Variants in IL7 observed in about 807,000 individuals in gnomAD.
The protein encoded by IL7 is interleukin-7.
IL7 carries 3 observed loss-of-function variants against 21.6 expected under a neutral mutation model. That is an observed-to-expected ratio of 0.14 (90% CI 0.06 to 0.36). IL7 has a LOEUF of 0.36. Ranked by LOEUF, IL7 falls within the 10% of genes least tolerant of loss-of-function variation. The pLI, the probability that IL7 is intolerant of heterozygous loss-of-function variation, is 1.00. For synonymous variants in IL7, 62 were observed against 68.1 expected (o/e 0.91, Z 0.44); for missense variants, 175 against 200.2 (o/e 0.87, Z 0.76).
At chr8:78,801,243 C>A (rs916546292) in intron 1 of IL7, among the ~76,000 whole-genome samples, 55 of 152,154 alleles carry the variant, frequency 3.6e-4, no homozygotes, top group African/African-American at 7.0e-4. Context: ...TGGCTTCCTG[C>A]AGTTTGTTTC....
intron 2 of IL7, among the ~76,000 whole-genome samples, chr8:78,771,304 G>T (rs1192717375): frequency 1.3e-5 from 2 of 152,004 alleles, no homozygotes; most frequent in African/African-American, 4.8e-5. Flanking sequence ...CTAAGACTTA[G>T]ATACTAAGTA....
Position 78,804,931 on chromosome 8 carries a change from G to A in IL7, c.-9C>T, listed in dbSNP as rs542474928. 1 of 1,612,016 alleles carries A rather than the reference G, an allele frequency of 6.2e-7. No individual in the cohort carries two copies. Among genetic ancestry groups the A allele is most frequent in the Non-Finnish European group, 8.5e-7 (1 of 1,178,710 alleles). ...CGCTTACCATGGAACATGGTCTGCG[G>A]GAGGCGGGCGTAGTCATGATGACCG... On this transcript the variant is annotated 5_prime_UTR_variant, in exon 1 of 6. Transcript: ENST00000263851.
chr8:78,711,863 C>A, intron 3 of IL7: 1 of 452,090 alleles, frequency 2.2e-6, no homozygotes, highest in Non-Finnish European at 3.9e-6. Flanking sequence ...CTTACCTTGA[C>A]AGTCAGATAA....
At chr8:78,734,174 G>A (rs1177267570) in intron 5 of IL7, among the ~76,000 whole-genome samples, 1 of 152,130 alleles carries the variant, frequency 6.6e-6, no homozygotes, top group Non-Finnish European at 1.5e-5. Context: ...GTAGAAAAAT[G>A]TATTTTTAGT....
In IL7 at chr8:78,805,026, C is replaced by G; in HGVS notation, c.-104G>C. The G allele has an allele frequency of 7.6e-7, 1 of 1,316,536 alleles. No homozygotes were observed. The highest frequency in any genetic ancestry group is 1.1e-6 in the Non-Finnish European group (1 of 946,816). 81.6% of individuals were successfully genotyped at this position (1,316,536 alleles called of 1,614,324 possible). On this transcript the variant is annotated 5_prime_UTR_variant, in exon 1 of 6. Coordinates refer to ENST00000263851, the MANE Select transcript of IL7 (RefSeq NM_000880.4). ...GGACCCTGGTCTTCCGCGGAGTTGC[C>G]GAGTCTGTGTTGGGCAGGGTGATCT...
chr8:78,684,427 C>T (rs112156173), intron 4 of IL7, among the ~76,000 whole-genome samples: 19 of 152,262 alleles, frequency 1.2e-4, no homozygotes, highest in Admixed American at 3.9e-4. Flanking sequence ...GTCATGAGGA[C>T]GGCATGGGAG....
At chr8:78,696,871 C>A (rs1563632030) in intron 3 of IL7, among the ~76,000 whole-genome samples, 1 of 152,120 alleles carries the variant, frequency 6.6e-6, no homozygotes, top group Non-Finnish European at 1.5e-5. Context: ...AAATCTTGAC[C>A]TTTAAAGCTG....
intron 3 of IL7, among the ~76,000 whole-genome samples, chr8:78,723,479 C>T (rs187589421): frequency 2.7e-4 from 41 of 151,926 alleles, no homozygotes; most frequent in African/African-American, 7.3e-4. Context: ...AAATAAATAA[C>T]GATCTACCTA....
rs184885100 is a variant in IL7, at chr8:78,785,165, A to G, written c.147+12907T>C. ...CACTTTTCCAAGATATAACTTAGTA[A>G]CAATCATGTTGAATCAATTTTTATA... On this transcript the variant is annotated intron_variant, in intron 2 of 5. Transcript: ENST00000263851. Among the ~76,000 whole-genome samples the G allele has an allele frequency of 7.8e-4, 118 of 152,222 alleles. 1 individual carries two copies. Among genetic ancestry groups the G allele is most frequent in the East Asian group, 9.7e-4 (5 of 5,166 alleles).
intron 3 of IL7, among the ~76,000 whole-genome samples, chr8:78,703,452 G>A (rs1448789352): frequency 1.3e-5 from 2 of 151,870 alleles, no homozygotes; most frequent in Admixed American, 6.6e-5. Flanking sequence ...ATGAATCTGA[G>A]TGCTCCTGTG....
At chr8:78,793,778 A>G (rs759247978) in intron 2 of IL7, among the ~76,000 whole-genome samples, 10 of 152,188 alleles carry the variant, frequency 6.6e-5, no homozygotes, top group Non-Finnish European at 1.2e-4. Flanking sequence ...TATCCACAGT[A>G]GAACTTCTTT....
rs751462790 is a variant in IL7 at position 78,798,088 on chromosome 8, C to T, written c.131G>A (p.Ser44Asn). 35 of 1,609,140 alleles carry T rather than the reference C, an allele frequency of 2.2e-5. No homozygotes were observed. Among genetic ancestry groups the T allele is most frequent in the Non-Finnish European group, 3.0e-5 (35 of 1,177,150 alleles). Residue 44 changes from serine (S) to asparagine (N), a missense_variant, in exon 2 of 6, where the codon AGC (serine) becomes AAC (asparagine). Physicochemically the swap from Ser to Asn is conservative, Grantham distance 46 (BLOSUM62 1). Transcript: ENST00000263851. ...ATCACATACCAATAATTGATCGATG[C>T]TGACCATTAGAACACTCTCATATTG... is the stretch of plus-strand genomic sequence containing the variant. ...GKQYESVLMV[S>N]IDQLLDSMKE...
chr8:78,714,907 G>T (rs1469577015), downstream of IL7, among the ~76,000 whole-genome samples: 2 of 151,782 alleles, frequency 1.3e-5, no homozygotes, highest in Non-Finnish European at 2.9e-5. Flanking sequence ...ATGTTTTGAG[G>T]GAAATATAAA....
chr8:78,746,857 G>A (rs924333336), intron 2 of IL7: 6 of 350,078 alleles, frequency 1.7e-5, no homozygotes, highest in African/African-American at 8.6e-5. Context: ...GTGGAAAAGG[G>A]CAAAGGTAAT....
At chr8:78,749,332 T>A (rs1029086652) in intron 2 of IL7, among the ~76,000 whole-genome samples, 15 of 152,074 alleles carry the variant, frequency 9.9e-5, no homozygotes, top group Non-Finnish European at 1.5e-4. Context: ...GAACTTCTAC[T>A]TTTCCATTTG....
downstream of IL7, among the ~76,000 whole-genome samples, chr8:78,730,442 C>T (rs1811404500): frequency 6.6e-6 from 1 of 151,806 alleles, no homozygotes. Context: ...AGAATCAAAG[C>T]CAAAAGATGT....
intron 4 of IL7, among the ~76,000 whole-genome samples, chr8:78,680,095 T>G (rs1412464483): frequency 6.6e-6 from 1 of 152,022 alleles, no homozygotes; most frequent in African/African-American, 2.4e-5. Context: ...TGTAACATGG[T>G]GATAGTAGTA....
At chr8:78,684,032 A>T (rs1312463823) in intron 4 of IL7, among the ~76,000 whole-genome samples, 3 of 152,184 alleles carry the variant, frequency 2.0e-5, no homozygotes, top group Non-Finnish European at 4.4e-5. Flanking sequence ...GGTCAAAACC[A>T]TTCAACAAGT....
At chr8:78,772,740 GAATT>G (rs2130790821) in intron 2 of IL7, among the ~76,000 whole-genome samples, 1 of 152,208 alleles carries the variant, frequency 6.6e-6, no homozygotes, top group Non-Finnish European at 1.5e-5. Flanking sequence ...ATTAAACACT[GAATT>G]AAATATGAGC....
Sources: gnomAD v4.1 joint callset for allele counts (sites outside exome capture counted in the v4.1 genomes callset) on GRCh38, gnomAD v4.1.1 for gene constraint, MANE v1.5 for transcripts, NCBI Gene and HGNC (gene_info 2026-07-23, HGNC 2026-07-21) for gene names.